PAX5: variants seen among roughly 807,000 people sequenced by gnomAD.
PAX5 encodes the protein paired box protein Pax-5.
A neutral mutation model predicts 43.7 loss-of-function variants in PAX5; 9 were observed. The observed-to-expected ratio is 0.21, with a 90% confidence interval of 0.12 to 0.36. The LOEUF (loss-of-function observed/expected upper bound fraction) is 0.36. PAX5 is among the 10% of genes least tolerant of loss of function. The pLI is 1.00. For missense variants in PAX5, 383 were observed against 532.7 expected, an observed-to-expected ratio of 0.72 and a Z score of 2.77; for synonymous variants, 228 against 214.3, an observed-to-expected ratio of 1.06 and a Z score of -0.56.
intron 7 of PAX5, among the ~76,000 whole-genome samples, chr9:36,916,619 T>C (rs1829744183): frequency 6.6e-6 from 1 of 152,122 alleles, no homozygotes; most frequent in Non-Finnish European, 1.5e-5. Context: ...TAAACTTAAG[T>C]TTATTCCCAG....
Position 37,034,101 on chromosome 9 carries a change from T to C in PAX5, c.-70A>G, listed in dbSNP as rs1348049176. The stretch of plus-strand genomic sequence containing the variant: ...ACTTTTTTGTGCCTTTTTTTTTCTT[T>C]TTTTTTTTTTTTTTTTTTTTTTTTT... On this transcript the variant is annotated 5_prime_UTR_variant, in exon 1 of 10. Transcript: ENST00000358127. 10 of 295,636 alleles carry C rather than the reference T, an allele frequency of 3.4e-5. No homozygotes were observed. The highest frequency in any genetic ancestry group is 3.3e-4 in the South Asian group (7 of 20,986). The allele number at this position is 295,636 out of a possible 1,614,324, so 18.3% of individuals were successfully genotyped here.
At chr9:36,869,385 A>G (rs996692177) in intron 8 of PAX5, among the ~76,000 whole-genome samples, 5 of 152,162 alleles carry the variant, frequency 3.3e-5, no homozygotes, top group Non-Finnish European at 7.4e-5. Flanking sequence ...TTCTCTCTCA[A>G]CAATAAACCT....
chr9:36,872,458 C>T (rs1372476822), intron 8 of PAX5, among the ~76,000 whole-genome samples: 1 of 152,128 alleles, frequency 6.6e-6, no homozygotes, highest in Admixed American at 6.5e-5. Flanking sequence ...CCAGCCTCCC[C>T]AGGCCCTGCC....
intron 1 of PAX5, among the ~76,000 whole-genome samples, chr9:37,027,883 A>C (rs1187435417): frequency 6.6e-6 from 1 of 152,166 alleles, no homozygotes; most frequent in Non-Finnish European, 1.5e-5. Context: ...ATGGGAGAGA[A>C]TGGGGGGCGG....
intron 7 of PAX5, among the ~76,000 whole-genome samples, chr9:36,913,091 T>C (rs1391300802): frequency 6.6e-6 from 1 of 152,248 alleles, no homozygotes; most frequent in African/African-American, 2.4e-5. Context: ...TGCCAAGTTT[T>C]GGGTATTGAG....
chr9:37,008,334 G>A (rs1050489951), intron 3 of PAX5, among the ~76,000 whole-genome samples: 8 of 152,336 alleles, frequency 5.3e-5, no homozygotes, highest in East Asian at 1.9e-4. Context: ...GATTACAGGC[G>A]TGAGCCACCG....
chr9:36,994,885 G>A (rs939338756), intron 5 of PAX5, among the ~76,000 whole-genome samples: 3 of 152,148 alleles, frequency 2.0e-5, no homozygotes, highest in African/African-American at 7.2e-5. Flanking sequence ...GGAAAGCATG[G>A]CTACCAGGCT....
intron 6 of PAX5, among the ~76,000 whole-genome samples, chr9:36,952,970 A>G (rs1245238199): frequency 6.6e-6 from 1 of 152,060 alleles, no homozygotes; most frequent in African/African-American, 2.4e-5. Context: ...GAGTTTCTGA[A>G]CTACATCATT....
intron 5 of PAX5, among the ~76,000 whole-genome samples, chr9:36,998,265 G>T (rs1837558440): frequency 6.6e-6 from 1 of 152,168 alleles, no homozygotes; most frequent in African/African-American, 2.4e-5. Flanking sequence ...GGTCTTGGAG[G>T]CAGGCATCCT....
At chr9:37,026,912 C>T (rs1443069099) in intron 1 of PAX5, among the ~76,000 whole-genome samples, 2 of 152,204 alleles carry the variant, frequency 1.3e-5, no homozygotes, top group Admixed American at 1.3e-4. Context: ...AGCGTAGGGG[C>T]CCGCCTCCGG....
At chr9:37,018,181 G>A (rs1469055143) in intron 2 of PAX5, among the ~76,000 whole-genome samples, 1 of 152,122 alleles carries the variant, frequency 6.6e-6, no homozygotes, top group Non-Finnish European at 1.5e-5. Context: ...TTGAGAATAA[G>A]CTTTGCAAAA....
chr9:37,002,623 A>T (rs776941175), intron 5 of PAX5, 25 bp downstream of exon 5: 1 of 1,599,952 alleles, frequency 6.3e-7, no homozygotes, highest in Non-Finnish European at 8.5e-7. Flanking sequence ...CGCATCCCCG[A>T]CGGGGCTGCG....
intron 8 of PAX5, among the ~76,000 whole-genome samples, chr9:36,863,213 G>A (rs980730576): frequency 5.9e-5 from 9 of 152,190 alleles, no homozygotes; most frequent in Admixed American, 2.6e-4. Flanking sequence ...AAGTCCAATG[G>A]ATCTTCAAAG....
intron 1 of PAX5, among the ~76,000 whole-genome samples, chr9:37,027,845 C>T (rs918678881): frequency 1.3e-5 from 2 of 152,376 alleles, no homozygotes; most frequent in African/African-American, 4.8e-5. Flanking sequence ...AGCCCACAGG[C>T]TCCGCCTGAT....
At chr9:36,924,765 A>AGGGAGGGAGGG (rs1206205548) in intron 6 of PAX5, among the ~76,000 whole-genome samples, 25 of 95,188 alleles carry the variant, frequency 2.6e-4, no homozygotes, top group East Asian at 7.5e-4. Context: ...GGAAGGAAGG[A>AGGGAGGGAGGG]AGGAAGGAAG....
intron 6 of PAX5, among the ~76,000 whole-genome samples, chr9:36,957,868 TC>T (rs1833619439): frequency 6.6e-6 from 1 of 152,102 alleles, no homozygotes; most frequent in African/African-American, 2.4e-5. Context: ...CTTATTCTCA[TC>T]AAGAGTTGAG....
At chr9:37,033,314 C>G (rs896245160) in intron 1 of PAX5, among the ~76,000 whole-genome samples, 13 of 152,210 alleles carry the variant, frequency 8.5e-5, no homozygotes, top group African/African-American at 3.1e-4. Flanking sequence ...CCCAGACCCA[C>G]GTCTAGGAGT....
chr9:36,875,154 C>A (rs1390264902), intron 8 of PAX5, among the ~76,000 whole-genome samples: 1 of 152,194 alleles, frequency 6.6e-6, no homozygotes, highest in Non-Finnish European at 1.5e-5. Context: ...AACAGCGCTA[C>A]CACTCCCAGC....
chr9:36,910,814 C>T (rs533108997), intron 7 of PAX5, among the ~76,000 whole-genome samples: 66 of 152,262 alleles, frequency 4.3e-4, no homozygotes, highest in Middle Eastern at 3.4e-3. Flanking sequence ...AGAGTCAGGC[C>T]GCCGGACCTC....
Sources: gnomAD v4.1 joint callset for allele counts (sites outside exome capture counted in the v4.1 genomes callset) on GRCh38, gnomAD v4.1.1 for gene constraint, MANE v1.5 for transcripts, NCBI Gene and HGNC (gene_info 2026-07-23, HGNC 2026-07-21) for gene names.